The following PLEC variants were observed in gnomAD, a reference collection of about 807,000 sequenced individuals.
PLEC encodes the protein hemidesmosomal protein 1.
Under a neutral mutation model 392.8 loss-of-function variants are expected in PLEC, and 216 were observed. That is an observed-to-expected ratio of 0.55 (90% CI 0.49 to 0.62). PLEC has a LOEUF of 0.62. Among genes scored for constraint, PLEC ranks in the 20% least tolerant of loss-of-function variants. The pLI, the probability that PLEC is intolerant of heterozygous loss-of-function variation, is 0.00. For missense variants in PLEC, 6,863 were observed against 6,563.4 expected, an observed-to-expected ratio of 1.05 and a Z score of -1.58; for synonymous variants, 3,621 against 2,980.6, an observed-to-expected ratio of 1.21 and a Z score of -7.00.
chr8:143,929,137 G>T lies in PLEC; in HGVS notation c.3226C>A (p.Gln1076Lys). The T allele has an allele frequency of 6.3e-7, 1 of 1,587,466 alleles. No homozygotes were observed. ...TAGATGGCAGACAGGCTGCGGACCTGCTCCAGCTTGCCCAGCGTCAGCTCC... is the reference window on the plus strand; with the variant it reads ...TAGATGGCAGACAGGCTGCGGACCTTCTCCAGCTTGCCCAGCGTCAGCTCC... ...ELELTLGKLE[Q>K]VRSLSAIYLE... is the part of the protein sequence containing the mutation. Residue 1076 changes from glutamine (Q) to lysine (K), a missense_variant, in exon 25 of 32, where the codon CAG (glutamine) becomes AAG (lysine). Gln to Lys is a moderately conservative substitution (Grantham distance 53). Coordinates refer to ENST00000345136, the MANE Select transcript of PLEC (RefSeq NM_201384.3).
intron 1 of PLEC, among the ~76,000 whole-genome samples, chr8:143,961,230 C>CT (rs370018306): frequency 0.3 from 44,609 of 147,030 alleles, 7,725 homozygotes; most frequent in Non-Finnish European, 0.4. Flanking sequence ...CCAGAAATTC[C>CT]TTTTTTTTTT....
Position 143,918,748 on chromosome 8 carries a change from G to A in PLEC, c.11073C>T (p.Ser3691=), listed in dbSNP as rs782608023. ...SAWCYLYGTG[S]VAGVYLPGSR... ...AACCGGGCAGGTAGACACCAGCCACGGAGCCCGTGCCATAGAGGTAGCACC... is the reference window on the plus strand; with the variant it reads ...AACCGGGCAGGTAGACACCAGCCACAGAGCCCGTGCCATAGAGGTAGCACC... Residue 3691 remains serine, a synonymous_variant, in exon 32 of 32, where the codon TCC becomes TCT. Transcript: ENST00000345136. 1.3e-5 allele frequency: 21 copies of A among 1,612,936 alleles called. No homozygotes were observed. Among genetic ancestry groups the A allele is most frequent in the Middle Eastern group, 1.6e-4 (1 of 6,084 alleles).
At chr8:143,945,267 G>A (rs1361780672) in intron 1 of PLEC, 8 of 485,194 alleles carry the variant, frequency 1.6e-5, no homozygotes, top group African/African-American at 1.4e-4. Context: ...CTGCCCCACA[G>A]CACAGCCTCT....
chr8:143,975,064 A>AG (rs1344412218), upstream of PLEC: 12 of 1,197,934 alleles, frequency 1.0e-5, no homozygotes, highest in Admixed American at 2.2e-4. This position sits in a 1 kb window ranked among gnomAD's most constrained non-coding sequence, Gnocchi z 9.9. Flanking sequence ...CGTGACCCGC[A>AG]GATCCCCCTA....
chr8:143,970,798 A>G (rs1030384153), intron 1 of PLEC, among the ~76,000 whole-genome samples: 8 of 152,208 alleles, frequency 5.3e-5, no homozygotes, highest in African/African-American at 1.9e-4. Context: ...GGTGCGGCAG[A>G]ACGGCCCAGC....
At position 143,925,822 on chromosome 8, in the gene PLEC, C is replaced by T. The variant is rs1554704220; in HGVS notation, c.4107G>A (p.Leu1369=). The part of the protein sequence containing the change: ...RERLAEVEAA[L]EKQRQLAEAH... ...CCTCGGCCAGCTGCCGCTGCTTCTCCAGCGCGGCCTCCACCTCGGCCAGCC... is the reference window on the plus strand; with the variant it reads ...CCTCGGCCAGCTGCCGCTGCTTCTCTAGCGCGGCCTCCACCTCGGCCAGCC... The change falls in exon 31 of 32, where the codon CTG becomes CTA. Residue 1369 remains leucine, a synonymous_variant. Transcript: ENST00000345136. The T allele has an allele frequency of 1.9e-6, 3 of 1,561,830 alleles. No homozygotes were observed. The highest frequency in any genetic ancestry group is 2.6e-6 in the Non-Finnish European group (3 of 1,161,280).
chr8:143,958,160 G>A (rs930879519), upstream of PLEC, among the ~76,000 whole-genome samples: 23 of 116,578 alleles, frequency 2.0e-4, no homozygotes, highest in Admixed American at 9.9e-4. This position sits in a 1 kb window ranked among gnomAD's most constrained non-coding sequence, Gnocchi z 4.9. Context: ...CGGATGCTGC[G>A]GGACAGGTGG....
At chr8:143,950,427 G>A (rs3902410) in exon 1 of PLEC, 8 of 1,602,310 alleles carry the variant, frequency 5.0e-6, no homozygotes, top group East Asian at 4.5e-5. Context: ...AGAGAGGCGG[G>A]CACGATCTCT....
In PLEC at chr8:143,925,721, C is replaced by G; in HGVS notation, c.4208G>C (p.Arg1403Pro). The stretch of plus-strand genomic sequence containing the variant: ...CGCGTCCACCGCCGCCTCCTCCCGC[C>G]GCACCACCTCCTCCTGCATGCGCTG... ...LQQRMQEEVVRREEAAVDAQQ... is the reference protein window; with the variant it reads ...LQQRMQEEVVPREEAAVDAQQ... The change falls in exon 31 of 32, where the codon CGG becomes CCG. Residue 1403 changes from arginine to proline, a missense_variant. Physicochemically the swap from Arg to Pro is moderately radical, Grantham distance 103 (BLOSUM62 -2). Transcript: ENST00000345136. 1.3e-6 allele frequency: 2 copies of G among 1,595,672 alleles called. No homozygotes were observed. Among genetic ancestry groups the G allele is most frequent in the South Asian group, 1.1e-5 (1 of 90,734 alleles).
In PLEC at chr8:143,927,312, G is replaced by A. The variant is rs201737115; in HGVS notation, c.3780C>T (p.Arg1260=). 275 of 1,613,192 alleles carry A rather than the reference G, an allele frequency of 1.7e-4. 2 individuals are homozygous for A. Among genetic ancestry groups the A allele is most frequent in the Non-Finnish European group, 1.9e-4 (230 of 1,179,948 alleles). ...GGCACTCCTCGACCTTCTCGCCGTG[G>A]CGCTCGATCTCCTCCAGCAGGGCCT... ...QEQALLEEIE[R]HGEKVEECQR... The change falls in exon 28 of 32, where the codon CGC becomes CGT. Residue 1260 remains arginine (R), a synonymous_variant. Transcript: ENST00000345136.
intron 26 of PLEC, 39 bp downstream of exon 26, chr8:143,927,815 C>T (rs936981682): frequency 5.7e-6 from 9 of 1,575,848 alleles, no homozygotes; most frequent in East Asian, 2.4e-5. Context: ...GCCCGCTGTA[C>T]CCCCACCCCG....
Position 143,938,679 on chromosome 8 carries a change from A to G in PLEC, c.126T>C (p.Arg42=). ...ACTTGGTGAAGGTTTTCTTCTGCAC[A>G]CGATCCCGCTCATCTGGGGGAGACA... ...ASEGKKDERD[R]VQKKTFTKWV... The change falls in exon 2 of 32, where the codon CGT becomes CGC. Residue 42 remains arginine, a synonymous_variant. Transcript: ENST00000345136. 6.2e-7 allele frequency: 1 copy of G among 1,613,788 alleles called. No homozygotes were observed.
chr8:143,965,848 T>C (rs1190044038), intron 1 of PLEC, among the ~76,000 whole-genome samples: 1 of 152,190 alleles, frequency 6.6e-6, no homozygotes, highest in African/African-American at 2.4e-5. Context: ...GTGATGCCCA[T>C]GCCCCCTGTG....
Position 143,925,795 on chromosome 8 carries a change from C to A in PLEC, c.4134G>T (p.Ala1378=), listed in dbSNP as rs558224639. The A allele has an allele frequency of 6.3e-7, 1 of 1,576,076 alleles. No homozygotes were observed. Among genetic ancestry groups the A allele is most frequent in the South Asian group, 1.1e-5 (1 of 88,292 alleles). Residue 1378 remains alanine, a synonymous_variant, in exon 31 of 32, where the codon GCG becomes GCT. Coordinates refer to ENST00000345136, the MANE Select transcript of PLEC (RefSeq NM_201384.3). ...ALEKQRQLAE[A]HAQAKAQAER... ...CCGCCTGTGCCTTTGCCTGGGCGTG[C>A]GCCTCGGCCAGCTGCCGCTGCTTCT...
Position 143,918,247 on chromosome 8 carries a change from C to T in PLEC, c.11574G>A (p.Thr3858=), listed in dbSNP as rs370526712. The change falls in exon 32 of 32, where the codon ACG becomes ACA. Residue 3858 remains threonine, a synonymous_variant. Coordinates refer to ENST00000345136, the MANE Select transcript of PLEC (RefSeq NM_201384.3). ...DPSTDERLSY[T]QLLRRCRRDD... is the part of the protein sequence containing the mutation. ...CACGACGGCACCGCCTGAGCAGCTG[C>T]GTGTAGCTGAGGCGCTCGTCGGTGG... is the stretch of plus-strand genomic sequence containing the variant. The T allele has an allele frequency of 4.5e-5, 72 of 1,590,360 alleles. No homozygotes were observed. In the African/African-American group the frequency reaches 5.6e-4, roughly 12 times the overall value.
In PLEC at chr8:143,920,470, G is replaced by T; in HGVS notation, c.9351C>A (p.Phe3117Leu). The change falls in exon 32 of 32, where the codon TTC becomes TTA. Residue 3117 changes from phenylalanine (F) to leucine (L), a missense_variant. Transcript: ENST00000345136. ...DPYTGQSVSLFQALKKGLIPR... is the reference protein window; with the variant it reads ...DPYTGQSVSLLQALKKGLIPR... ...GAATGAGGCCCTTCTTCAGGGCCTG[G>T]AACAGGGAGACGCTCTGCCCTGTGT... The T allele has an allele frequency of 2.5e-6, 4 of 1,604,484 alleles. No homozygotes were observed. The highest frequency in any genetic ancestry group is 3.4e-6 in the Non-Finnish European group (4 of 1,176,008).
At position 143,958,927 on chromosome 8, in the gene PLEC, T is replaced by C. The variant is rs1490620828; in HGVS notation, c.70+14476A>G. The C allele has an allele frequency of 2.0e-5, 4 of 195,636 alleles. No individual in the cohort carries two copies. Among genetic ancestry groups the C allele is most frequent in the Non-Finnish European group, 3.3e-5 (3 of 90,554 alleles). 12.1% of individuals were successfully genotyped at this position (195,636 alleles called of 1,614,324 possible). ...GGGATAATGCACTTTCCCAGAACTC[T>C]GTTAATATCGTTGACTTCACTAGCA... is the stretch of plus-strand genomic sequence containing the variant. On this transcript the variant is annotated intron_variant, in intron 1 of 31. Transcript: ENST00000356346. This position sits in a 1 kb window ranked among gnomAD's most constrained non-coding sequence, Gnocchi z 4.9.
rs1554686089 is a variant in PLEC at position 143,921,520 on chromosome 8, C to T, written c.8301G>A (p.Leu2767=). 3 of 1,612,866 alleles carry T rather than the reference C, an allele frequency of 1.9e-6. No individual in the cohort carries two copies. Among genetic ancestry groups the T allele is most frequent in the African/African-American group, 1.3e-5 (1 of 74,908 alleles). The part of the protein sequence containing the change: ...GVVGPELHHK[L]LSAERAVTGY... ...CAGTGACGGCGCGCTCGGCCGACAG[C>T]AGCTTGTGGTGCAGCTCGGGGCCCA... Residue 2767 remains leucine, a synonymous_variant, in exon 32 of 32, where the codon CTG becomes CTA. Transcript: ENST00000345136.
upstream of PLEC, chr8:143,942,541 C>G (rs1337831045): frequency 5.8e-6 from 9 of 1,547,284 alleles, no homozygotes; most frequent in Non-Finnish European, 7.8e-6. Context: ...AGCCCTGGTT[C>G]GGCCCACGGA....
Sources: gnomAD v4.1 joint callset for allele counts (sites outside exome capture counted in the v4.1 genomes callset) on GRCh38, gnomAD v4.1.1 for gene constraint, Gnocchi (gnomAD v3.1) non-coding constraint, MANE v1.5 for transcripts, NCBI Gene and HGNC (gene_info 2026-07-23, HGNC 2026-07-21) for gene names.